The following TUFT1 variants were observed in gnomAD, a reference collection of about 807,000 sequenced individuals.
The protein encoded by TUFT1 is tuftelin.
Under a neutral mutation model 57.8 loss-of-function variants are expected in TUFT1, and 43 were observed. That is an observed-to-expected ratio of 0.74 (90% CI 0.58 to 0.96). The LOEUF (loss-of-function observed/expected upper bound fraction) is 0.96. TUFT1 is among the 40% of genes least tolerant of loss of function. The probability of loss-of-function intolerance (pLI) is 0.00; values close to 1 mark genes in which losing one functional copy is unlikely to be tolerated. For missense variants in TUFT1, 459 were observed against 489.0 expected, an observed-to-expected ratio of 0.94 and a Z score of 0.58; for synonymous variants, 166 against 176.7, an observed-to-expected ratio of 0.94 and a Z score of 0.48.
chr1:151,580,661 CA>C (rs10714430), intron 11 of TUFT1, among the ~76,000 whole-genome samples: 33,888 of 71,890 alleles, frequency 0.47, 5,379 homozygotes, highest in Middle Eastern at 0.6. Flanking sequence ...GACCCTATCT[CA>C]AAAAAAAAAA....
At chr1:151,579,532 A>G in intron 10 of TUFT1, 117 bp from the exon 11 acceptor site, 2 of 895,674 alleles carry the variant, frequency 2.2e-6, no homozygotes, top group Non-Finnish European at 3.5e-6. Flanking sequence ...AGAAAAGCTA[A>G]TGAAGTCATA....
At chr1:151,555,435 C>T (rs992807959) in intron 1 of TUFT1, among the ~76,000 whole-genome samples, 2 of 149,458 alleles carry the variant, frequency 1.3e-5, no homozygotes, top group African/African-American at 4.9e-5. Context: ...CTTTTTGTCC[C>T]TGCAAGTACT....
rs940635805 is a variant in TUFT1 at position 151,574,944 on chromosome 1, G to A, written c.757G>A (p.Gly253Arg). Residue 253 changes from glycine to arginine, a missense_variant, in exon 9 of 13, where the codon GGG becomes AGG. Gly to Arg is a moderately radical substitution (Grantham distance 125). Coordinates refer to ENST00000368849, the MANE Select transcript of TUFT1 (RefSeq NM_020127.3). ...GGCCTTACTGGCGAAAGTGAGGGAA[G>A]GGGAGGTGGCCCTAGAGGAACTTCG... ...HQALLAKVREGEVALEELRSN... is the reference protein window; with the variant it reads ...HQALLAKVREREVALEELRSN... 6 of 1,578,266 alleles carry A rather than the reference G, an allele frequency of 3.8e-6. No homozygotes were observed. The highest frequency in any genetic ancestry group is 1.8e-5 in the Admixed American group (1 of 54,552).
intron 1 of TUFT1, chr1:151,540,728 T>C: frequency 2.3e-6 from 1 of 429,884 alleles, no homozygotes. Flanking sequence ...CAGGCGTCTT[T>C]TGGGCAGCCA....
At chr1:151,549,735 T>C (rs1343291545) in intron 1 of TUFT1, among the ~76,000 whole-genome samples, 2 of 152,200 alleles carry the variant, frequency 1.3e-5, no homozygotes, top group Admixed American at 6.5e-5. Context: ...TTTAGTACTT[T>C]GTTTTGAAAC....
intron 1 of TUFT1, among the ~76,000 whole-genome samples, chr1:151,546,068 T>G (rs898675099): frequency 6.6e-6 from 1 of 151,812 alleles, no homozygotes; most frequent in African/African-American, 2.4e-5. Context: ...ATTTTAAAAT[T>G]TATCTACATT....
chr1:151,561,984 T>C, intron 1 of TUFT1, 107 bp from the exon 2 acceptor site: 2 of 1,478,430 alleles, frequency 1.4e-6, no homozygotes, highest in Non-Finnish European at 1.9e-6. Flanking sequence ...GTGGTGATGA[T>C]AAGACCCGCT....
At chr1:151,558,084 G>A (rs1315684655) in intron 1 of TUFT1, 1 of 318,086 alleles carries the variant, frequency 3.1e-6, no homozygotes, top group Admixed American at 4.5e-5. Context: ...ATTATTTCAA[G>A]TTTCCTTTTT....
intron 1 of TUFT1, among the ~76,000 whole-genome samples, chr1:151,558,342 A>G (rs1319471015): frequency 2.0e-5 from 3 of 151,584 alleles, no homozygotes; most frequent in African/African-American, 7.3e-5. Context: ...TCCGAAGAGA[A>G]AATAACCTTT....
intron 12 of TUFT1, among the ~76,000 whole-genome samples, chr1:151,581,315 C>A (rs1355634550): frequency 6.6e-6 from 1 of 152,150 alleles, no homozygotes; most frequent in East Asian, 1.9e-4. Context: ...TTGCATATTT[C>A]TAGGGAGAGG....
Position 151,581,772 on chromosome 1 carries a change from T to C in TUFT1, c.*65T>C. On this transcript the variant is annotated 3_prime_UTR_variant, in exon 13 of 13. Transcript: ENST00000368849. ...CCTCGGAGAAGCCCACTGCCCCTGT[T>C]GGCTGTTAACACTGCCTTTGACTTC... is the stretch of plus-strand genomic sequence containing the variant. 1.9e-6 allele frequency: 3 copies of C among 1,554,488 alleles called. No homozygotes were observed. The Admixed American group carries it at 5.0e-5, about 26-fold the overall frequency.
At chr1:151,557,576 T>C (rs1040279981) in intron 1 of TUFT1, 2 of 1,110,884 alleles carry the variant, frequency 1.8e-6, no homozygotes, top group Non-Finnish European at 2.8e-6. Context: ...AATCTTCATG[T>C]CATGAAGGCC....
At chr1:151,546,876 C>A (rs72692715) in intron 1 of TUFT1, among the ~76,000 whole-genome samples, 1 of 152,054 alleles carries the variant, frequency 6.6e-6, no homozygotes, top group African/African-American at 2.4e-5. Context: ...TTTCATTTCT[C>A]TTGGAGAGGA....
At chr1:151,540,531 G>T in intron 1 of TUFT1, 105 bp downstream of exon 1, 1 of 1,348,050 alleles carries the variant, frequency 7.4e-7, no homozygotes. Flanking sequence ...CTGGTGCCCG[G>T]CTCGCGCGGT....
chr1:151,568,171 A>G (rs779942274), intron 6 of TUFT1, among the ~76,000 whole-genome samples: 1 of 151,974 alleles, frequency 6.6e-6, no homozygotes, highest in African/African-American at 2.4e-5. Flanking sequence ...CCATTAGTTC[A>G]TGACACATCA....
chr1:151,564,654 G>A, intron 5 of TUFT1, 40 bp downstream of exon 5: 1 of 1,557,828 alleles, frequency 6.4e-7, no homozygotes, highest in Non-Finnish European at 8.9e-7. Flanking sequence ...CCACCGAGGA[G>A]GTGGGGTTGT....
At chr1:151,557,350 A>C in intron 1 of TUFT1, 1 of 606,040 alleles carries the variant, frequency 1.7e-6, no homozygotes. Flanking sequence ...GAACCACATC[A>C]GACATTGTTA....
intron 1 of TUFT1, among the ~76,000 whole-genome samples, chr1:151,552,422 G>GC (rs1665539614): frequency 6.6e-6 from 1 of 152,156 alleles, no homozygotes; most frequent in South Asian, 2.1e-4. Context: ...AGGGAAAAAG[G>GC]CCCGGGCGCG....
In TUFT1 at chr1:151,574,329, G is replaced by T; in HGVS notation, c.654G>T (p.Glu218Asp). The change falls in exon 8 of 13, where the codon GAG (glutamate) becomes GAT (aspartate). Residue 218 changes from glutamate to aspartate, a missense_variant. Physicochemically the swap from Glu to Asp is conservative, Grantham distance 45 (BLOSUM62 2). Transcript: ENST00000368849. ...AEQSNVALQR[E>D]EDRVEQKEAE... ...AAAGTAATGTGGCCCTTCAGAGAGAGGAGGACAGAGTGGAGCAGAAAGAGG... is the reference window on the plus strand; with the variant it reads ...AAAGTAATGTGGCCCTTCAGAGAGATGAGGACAGAGTGGAGCAGAAAGAGG... The T allele has an allele frequency of 6.2e-7, 1 of 1,614,216 alleles. No individual in the cohort carries two copies. Among genetic ancestry groups the T allele is most frequent in the Non-Finnish European group, 8.5e-7 (1 of 1,180,044 alleles).
Sources: gnomAD v4.1 joint callset for allele counts (sites outside exome capture counted in the v4.1 genomes callset) on GRCh38, gnomAD v4.1.1 for gene constraint, MANE v1.5 for transcripts, NCBI Gene and HGNC (gene_info 2026-07-23, HGNC 2026-07-21) for gene names.